Variants in SYNPR observed in about 807,000 individuals in gnomAD.
SYNPR encodes the protein synaptoporin.
SYNPR carries 23 observed loss-of-function variants against 32.9 expected under a neutral mutation model. The observed-to-expected ratio is 0.70, with a 90% CI of 0.50 to 0.99. The LOEUF is 0.99. SYNPR is among the 50% of genes least tolerant of loss of function. SYNPR has a pLI of 0.00. For synonymous variants in SYNPR, 146 were observed against 135.9 expected, an observed-to-expected ratio of 1.07 and a Z score of -0.52; for missense variants, 318 against 349.3, an observed-to-expected ratio of 0.91 and a Z score of 0.71.
chr3:63,563,183 T>G (rs1467979228), intron 4 of SYNPR, among the ~76,000 whole-genome samples: 1 of 152,298 alleles, frequency 6.6e-6, no homozygotes, highest in East Asian at 1.9e-4. Context: ...TATCCCCAAG[T>G]CGCCAAGGAT....
chr3:63,523,133 T>C (rs1482870942), intron 3 of SYNPR, among the ~76,000 whole-genome samples: 2 of 152,124 alleles, frequency 1.3e-5, no homozygotes, highest in African/African-American at 2.4e-5. Flanking sequence ...CTGGGACCCC[T>C]GCACACGTGA....
intron 2 of SYNPR, among the ~76,000 whole-genome samples, chr3:63,257,298 A>G (rs550616345): frequency 4.2e-4 from 64 of 152,136 alleles, no homozygotes; most frequent in Admixed American, 1.2e-3. Flanking sequence ...GAAGGAAAAA[A>G]TGTTAAGGGC....
intron 2 of SYNPR, among the ~76,000 whole-genome samples, chr3:63,282,610 G>A (rs545986879): frequency 6.7e-5 from 10 of 150,056 alleles, no homozygotes; most frequent in East Asian, 3.9e-4. Context: ...TTGAGCCCAC[G>A]AGGTCAAGGC....
intron 2 of SYNPR, among the ~76,000 whole-genome samples, chr3:63,325,638 A>G (rs1334433577): frequency 6.6e-6 from 1 of 152,032 alleles, no homozygotes; most frequent in Non-Finnish European, 1.5e-5. Flanking sequence ...TCAGATTTCA[A>G]CACACTCCAA....
chr3:63,583,272 T>C (rs542848970), intron 4 of SYNPR, among the ~76,000 whole-genome samples: 12 of 152,152 alleles, frequency 7.9e-5, no homozygotes, highest in South Asian at 2.1e-4. Flanking sequence ...ACTTCTTCTG[T>C]GGTTTTTCAG....
intron 2 of SYNPR, among the ~76,000 whole-genome samples, chr3:63,404,450 T>C (rs939750708): frequency 9.9e-5 from 15 of 152,188 alleles, no homozygotes; most frequent in African/African-American, 3.6e-4. Context: ...CAAGATCCCT[T>C]ATTTAAAAGA....
At chr3:63,211,078 T>C in the SYNPR span, among the ~76,000 whole-genome samples, 4 of 152,284 alleles carry the variant, frequency 2.6e-5, no homozygotes, top group African/African-American at 9.6e-5. Flanking sequence ...TAAGACCTTC[T>C]TTTTTTCTGA....
At chr3:63,392,033 T>C (rs978481756) in intron 2 of SYNPR, among the ~76,000 whole-genome samples, 1 of 152,232 alleles carries the variant, frequency 6.6e-6, no homozygotes, top group Non-Finnish European at 1.5e-5. Context: ...TGAGCTTGTA[T>C]ATAAGTAATC....
intron 3 of SYNPR, among the ~76,000 whole-genome samples, chr3:63,539,431 A>G (rs1241210129): frequency 3.9e-5 from 6 of 152,156 alleles, no homozygotes; most frequent in Non-Finnish European, 5.9e-5. Context: ...CATCAGACAT[A>G]TCATAGAACT....
intron 2 of SYNPR, among the ~76,000 whole-genome samples, chr3:63,448,009 T>A (rs1700309934): frequency 6.6e-6 from 1 of 152,142 alleles, no homozygotes; most frequent in Non-Finnish European, 1.5e-5. Flanking sequence ...TATTTATTTA[T>A]TTATTTATTT....
At chr3:63,493,316 C>T (rs1701290604) in intron 3 of SYNPR, among the ~76,000 whole-genome samples, 1 of 152,086 alleles carries the variant, frequency 6.6e-6, no homozygotes, top group Non-Finnish European at 1.5e-5. Context: ...GATACTCTGG[C>T]AGCCAGAGCC....
upstream of SYNPR, among the ~76,000 whole-genome samples, chr3:63,224,435 A>G (rs1209689825): frequency 6.6e-6 from 1 of 152,228 alleles, no homozygotes; most frequent in Non-Finnish European, 1.5e-5. Context: ...CCACTGTGAT[A>G]GAAGACATGA....
At chr3:63,427,910 T>G in intron 2 of SYNPR, among the ~76,000 whole-genome samples, 1 of 152,244 alleles carries the variant, frequency 6.6e-6, no homozygotes, top group East Asian at 1.9e-4. Context: ...CCAAGTGTAC[T>G]GTGGCAGAAT....
chr3:63,420,511 A>G (rs557455307), intron 2 of SYNPR, among the ~76,000 whole-genome samples: 3 of 152,302 alleles, frequency 2.0e-5, no homozygotes, highest in African/African-American at 7.2e-5. Flanking sequence ...TATAGAAAAA[A>G]AATTGTATTC....
At chr3:63,514,725 G>A (rs1701762875) in intron 3 of SYNPR, among the ~76,000 whole-genome samples, 1 of 152,094 alleles carries the variant, frequency 6.6e-6, no homozygotes, top group Non-Finnish European at 1.5e-5. Context: ...AGAACTGCAG[G>A]TTCTGAAATT....
intron 3 of SYNPR, among the ~76,000 whole-genome samples, chr3:63,552,965 GTTT>G (rs955173140): frequency 6.6e-6 from 1 of 151,048 alleles, no homozygotes. Flanking sequence ...AAATCTGTTG[GTTT>G]TTTTTTCTAT....
At chr3:63,397,598 G>A (rs756815926) in intron 2 of SYNPR, among the ~76,000 whole-genome samples, 7 of 152,038 alleles carry the variant, frequency 4.6e-5, no homozygotes, top group South Asian at 4.2e-4. Flanking sequence ...GGTCTTACTC[G>A]CTCTGAAGTT....
In SYNPR at chr3:63,524,840, T is replaced by TGC. The variant is rs1460631672; in HGVS notation, c.210-31702_210-31701insCG. Among the ~76,000 whole-genome samples the TGC allele has an allele frequency of 1.7e-3, 227 of 135,104 alleles. 1 individual carries two copies. The highest frequency in any genetic ancestry group is 2.9e-3 in the Non-Finnish European group (179 of 61,784). The allele number at this position is 135,104 out of a possible 152,430, so 88.6% of individuals were successfully genotyped here. A position where few individuals can be genotyped will look rare whatever the true frequency, so the allele number is the denominator to read the frequency against. ...CATAATAGAAGTGTGTGTGTGTGTG[T>TGC]GTGTGTGTGTGCATGTGTGTGTGTG... On this transcript the variant is annotated intron_variant, in intron 3 of 5. Coordinates refer to ENST00000478300, the MANE Select transcript of SYNPR (RefSeq NM_001130003.2).
chr3:63,244,497 T>C (rs1451229077), intron 1 of SYNPR, among the ~76,000 whole-genome samples: 2 of 152,050 alleles, frequency 1.3e-5, no homozygotes, highest in African/African-American at 4.8e-5. Flanking sequence ...GACAGACTTG[T>C]TTGGTGTCAC....
Sources: gnomAD v4.1 joint callset for allele counts (sites outside exome capture counted in the v4.1 genomes callset) on GRCh38, gnomAD v4.1.1 for gene constraint, MANE v1.5 for transcripts, NCBI Gene and HGNC (gene_info 2026-07-23, HGNC 2026-07-21) for gene names.